TFPI: variants seen among roughly 807,000 people sequenced by gnomAD.
TFPI encodes the protein anti-convertin.
Under a neutral mutation model 34.6 loss-of-function variants are expected in TFPI, and 15 were observed. That is an observed-to-expected ratio of 0.43 (90% CI 0.29 to 0.67). The LOEUF is 0.67. Among genes scored for constraint, TFPI ranks in the 30% least tolerant of loss-of-function variants. The pLI is 0.15. For synonymous variants in TFPI, 105 were observed against 120.1 expected (o/e 0.87, Z 0.82); for missense variants, 301 against 364.0 (o/e 0.83, Z 1.41).
chr2:187,522,891 A>AAAAT (rs138871269), intron 1 of TFPI, among the ~76,000 whole-genome samples: 3,180 of 142,548 alleles, frequency 0.022, 103 homozygotes, highest in African/African-American at 0.069. Context: ...ACTGTGTCTC[A>AAAAT]AAATAAATAA....
intron 6 of TFPI, among the ~76,000 whole-genome samples, chr2:187,480,335 C>T (rs1176969896): frequency 1.3e-5 from 2 of 152,066 alleles, no homozygotes; most frequent in African/African-American, 2.4e-5. Flanking sequence ...AGTAACCCTA[C>T]ACGAACTGAC....
At chr2:187,470,258 A>G (rs969583733) in intron 6 of TFPI, among the ~76,000 whole-genome samples, 1 of 152,152 alleles carries the variant, frequency 6.6e-6, no homozygotes, top group Non-Finnish European at 1.5e-5. Context: ...CTTCTTTGCA[A>G]ATGTTAGTTG....
intron 1 of TFPI, among the ~76,000 whole-genome samples, chr2:187,549,593 T>G (rs778069110): frequency 2.0e-5 from 3 of 152,090 alleles, no homozygotes; most frequent in Non-Finnish European, 2.9e-5. Context: ...CCAATAAACT[T>G]CTTACATAAG....
chr2:187,523,072 A>G (rs1454278043), intron 1 of TFPI, among the ~76,000 whole-genome samples: 1 of 152,070 alleles, frequency 6.6e-6, no homozygotes, highest in African/African-American at 2.4e-5. Context: ...TCACTGAGAT[A>G]CAATCACTAT....
chr2:187,501,618 A>G (rs1685856810), intron 2 of TFPI, among the ~76,000 whole-genome samples: 2 of 152,006 alleles, frequency 1.3e-5, no homozygotes, highest in Non-Finnish European at 1.5e-5. Context: ...TACATTATTC[A>G]TTTACAGCTT....
chr2:187,522,737 A>AC (rs1687459145), intron 1 of TFPI, among the ~76,000 whole-genome samples: 1 of 148,696 alleles, frequency 6.7e-6, no homozygotes, highest in African/African-American at 2.5e-5. Flanking sequence ...CAAAAAAAAA[A>AC]AAAAAAACCC....
At chr2:187,500,301 C>A (rs1219631186) in intron 2 of TFPI, among the ~76,000 whole-genome samples, 4 of 152,142 alleles carry the variant, frequency 2.6e-5, no homozygotes, top group Non-Finnish European at 5.9e-5. Context: ...TTATTATCTT[C>A]ATTTTATAAA....
At chr2:187,539,432 C>G (rs1288927140) in intron 1 of TFPI, among the ~76,000 whole-genome samples, 1 of 152,104 alleles carries the variant, frequency 6.6e-6, no homozygotes, top group Non-Finnish European at 1.5e-5. Context: ...TCGAAGTTTA[C>G]CAACTTTTTA....
At chr2:187,479,133 G>A (rs1692626949) in intron 6 of TFPI, among the ~76,000 whole-genome samples, 1 of 152,042 alleles carries the variant, frequency 6.6e-6, no homozygotes, top group African/African-American at 2.4e-5. Flanking sequence ...ATAAGAGTGA[G>A]TAATTTGTGT....
At chr2:187,494,658 A>G (rs576187863) in intron 3 of TFPI, among the ~76,000 whole-genome samples, 28 of 152,292 alleles carry the variant, frequency 1.8e-4, no homozygotes, top group African/African-American at 6.7e-4. Flanking sequence ...TTTTTTCCAT[A>G]TACCAGTTAT....
intron 4 of TFPI, among the ~76,000 whole-genome samples, chr2:187,486,280 A>G (rs1693255058): frequency 6.6e-6 from 1 of 151,678 alleles, no homozygotes; most frequent in South Asian, 2.1e-4. Context: ...ACATTGAATT[A>G]CTATCATATG....
chr2:187,534,185 C>G (rs1688122656), intron 1 of TFPI, among the ~76,000 whole-genome samples: 2 of 152,156 alleles, frequency 1.3e-5, no homozygotes, highest in Admixed American at 1.3e-4. Flanking sequence ...CCTAGCAAGA[C>G]AGGCCAACAT....
At chr2:187,514,636 G>C (rs1351825470) in intron 1 of TFPI, 1 of 152,210 alleles carries the variant, frequency 6.6e-6, no homozygotes, top group Non-Finnish European at 1.5e-5. Context: ...GTGGTATTGT[G>C]GTGGACCTTT....
intron 3 of TFPI, among the ~76,000 whole-genome samples, chr2:187,492,505 G>C (rs1034225573): frequency 6.6e-6 from 1 of 152,134 alleles, no homozygotes; most frequent in Non-Finnish European, 1.5e-5. Flanking sequence ...TGTTGATTTT[G>C]TCAAAGAACA....
At chr2:187,508,974 A>G (rs1686430134) in intron 1 of TFPI, among the ~76,000 whole-genome samples, 1 of 152,158 alleles carries the variant, frequency 6.6e-6, no homozygotes, top group African/African-American at 2.4e-5. Context: ...CGTTCCATCA[A>G]TACCTAGTTT....
chr2:187,480,638 G>T (rs1182018157), intron 6 of TFPI, among the ~76,000 whole-genome samples: 4 of 152,064 alleles, frequency 2.6e-5, no homozygotes, highest in Non-Finnish European at 4.4e-5. Context: ...GCGCAAAATT[G>T]CACACATTTA....
intron 1 of TFPI, among the ~76,000 whole-genome samples, chr2:187,513,451 C>T (rs1208263619): frequency 6.6e-6 from 1 of 152,166 alleles, no homozygotes; most frequent in Non-Finnish European, 1.5e-5. Flanking sequence ...ATAAAAATCA[C>T]ACAAGAAGCA....
chr2:187,524,260 A>G (rs1687565941), intron 1 of TFPI, among the ~76,000 whole-genome samples: 1 of 152,002 alleles, frequency 6.6e-6, no homozygotes, highest in Non-Finnish European at 1.5e-5. Flanking sequence ...TCTCTTGGGT[A>G]TATAACTCGG....
intron 1 of TFPI, among the ~76,000 whole-genome samples, chr2:187,537,284 A>G (rs1033372093): frequency 6.6e-6 from 1 of 152,230 alleles, no homozygotes; most frequent in Non-Finnish European, 1.5e-5. Flanking sequence ...TAGCCAAGAC[A>G]ATCCTAAGCA....
Sources: gnomAD v4.1 joint callset for allele counts (sites outside exome capture counted in the v4.1 genomes callset) on GRCh38, gnomAD v4.1.1 for gene constraint, MANE v1.5 for transcripts, NCBI Gene and HGNC (gene_info 2026-07-23, HGNC 2026-07-21) for gene names.